PKNOX2: variants seen among roughly 807,000 people sequenced by gnomAD.
The protein encoded by PKNOX2 is homeobox protein PKNOX2.
Under a neutral mutation model 53.1 loss-of-function variants are expected in PKNOX2, and 14 were observed. That is an observed-to-expected ratio of 0.26 (90% CI 0.17 to 0.41). The LOEUF (loss-of-function observed/expected upper bound fraction) is 0.41. PKNOX2 is among the 10% of genes least tolerant of loss of function. The pLI is 1.00. For missense variants in PKNOX2, 496 were observed against 602.8 expected, an observed-to-expected ratio of 0.82 and a Z score of 1.85; for synonymous variants, 257 against 242.8, an observed-to-expected ratio of 1.06 and a Z score of -0.54.
At chr11:125,321,619 T>A (rs1358597789) in intron 2 of PKNOX2, among the ~76,000 whole-genome samples, 1 of 152,230 alleles carries the variant, frequency 6.6e-6, no homozygotes, top group African/African-American at 2.4e-5. Context: ...GCTGACCATG[T>A]TCAACGCTGT....
chr11:125,368,319 G>A (rs1591544767), intron 5 of PKNOX2, among the ~76,000 whole-genome samples: 1 of 152,260 alleles, frequency 6.6e-6, no homozygotes, highest in South Asian at 2.1e-4. Flanking sequence ...GTGTCCTGTT[G>A]TTGCTTTCCC....
At chr11:125,398,946 C>T (rs957822696) in intron 7 of PKNOX2, among the ~76,000 whole-genome samples, 4 of 152,180 alleles carry the variant, frequency 2.6e-5, no homozygotes, top group East Asian at 1.9e-4. Flanking sequence ...GAGTGAGTGC[C>T]GAGAGGTGCT....
At chr11:125,265,827 G>A (rs550238285) in intron 2 of PKNOX2, among the ~76,000 whole-genome samples, 3 of 152,128 alleles carry the variant, frequency 2.0e-5, no homozygotes. Flanking sequence ...GATCCTGAAG[G>A]GGGGAGCTTA....
At chr11:125,278,610 C>G (rs1306420069) in intron 2 of PKNOX2, among the ~76,000 whole-genome samples, 3 of 151,750 alleles carry the variant, frequency 2.0e-5, no homozygotes, top group Admixed American at 2.0e-4. Context: ...AGATGTGGTG[C>G]CTTCAGTTGA....
intron 4 of PKNOX2, among the ~76,000 whole-genome samples, chr11:125,358,798 C>T (rs1483822385): frequency 6.6e-6 from 1 of 152,208 alleles, no homozygotes. Flanking sequence ...TAACACATCA[C>T]TCAGTCATTG....
intron 1 of PKNOX2, among the ~76,000 whole-genome samples, chr11:125,225,948 G>A (rs953681121): frequency 3.3e-5 from 5 of 152,118 alleles, no homozygotes; most frequent in African/African-American, 1.2e-4. Flanking sequence ...GAAAAGCCCA[G>A]GGATCAACCT....
rs1197810981 is a variant in PKNOX2 at position 125,316,052 on chromosome 11, A to G, written c.-129-15767A>G. Among the ~76,000 whole-genome samples the G allele has an allele frequency of 4.6e-5, 7 of 152,314 alleles. No homozygotes were observed. In the East Asian group the frequency reaches 9.6e-4, roughly 21 times the overall value. On this transcript the variant is annotated intron_variant, in intron 2 of 12. Transcript: ENST00000298282. ...CGTAAGAGGACACCATGACAACAGC[A>G]AGGGAAGGATGGAGGACGGACCCAG...
At chr11:125,219,296 G>T (rs1940882325) in intron 1 of PKNOX2, among the ~76,000 whole-genome samples, 2 of 152,066 alleles carry the variant, frequency 1.3e-5, no homozygotes, top group Non-Finnish European at 1.5e-5. Context: ...AAATTAGCTG[G>T]AGGTGGTGGC....
chr11:125,167,157 G>T (rs1954940611), intron 1 of PKNOX2, among the ~76,000 whole-genome samples: 2 of 129,604 alleles, frequency 1.5e-5, no homozygotes, highest in Non-Finnish European at 1.6e-5. Context: ...AGGGAGGTAG[G>T]TTATTCTCTG....
chr11:125,360,169 A>G (rs1167768108), intron 4 of PKNOX2, among the ~76,000 whole-genome samples: 1 of 150,644 alleles, frequency 6.6e-6, no homozygotes, highest in African/African-American at 2.4e-5. Context: ...AAGAAAAAGG[A>G]AAAAAAGGAG....
intron 2 of PKNOX2, among the ~76,000 whole-genome samples, chr11:125,244,070 T>C (rs1223090203): frequency 6.6e-6 from 1 of 152,242 alleles, no homozygotes. Flanking sequence ...GCTTGGTAAC[T>C]GCACAAGATT....
chr11:125,362,066 AG>A (rs1951953866), intron 4 of PKNOX2, among the ~76,000 whole-genome samples: 1 of 152,054 alleles, frequency 6.6e-6, no homozygotes, highest in Admixed American at 6.6e-5. Context: ...GTTGAGGGAG[AG>A]GGACAAACTG....
intron 3 of PKNOX2, among the ~76,000 whole-genome samples, chr11:125,343,813 C>T (rs544584467): frequency 1.3e-5 from 2 of 152,014 alleles, no homozygotes; most frequent in East Asian, 1.9e-4. Flanking sequence ...GGGTGTTGCT[C>T]GTCTGACTCT....
intron 6 of PKNOX2, among the ~76,000 whole-genome samples, chr11:125,392,309 A>T (rs1211566383): frequency 1.3e-5 from 2 of 152,256 alleles, no homozygotes; most frequent in East Asian, 1.9e-4. Flanking sequence ...GCACCCAATT[A>T]ACAGAGAGCG....
intron 4 of PKNOX2, among the ~76,000 whole-genome samples, chr11:125,358,299 C>T (rs1474819621): frequency 6.6e-6 from 1 of 152,206 alleles, no homozygotes; most frequent in Admixed American, 6.5e-5. Flanking sequence ...CTGGTGTGCC[C>T]TCTGAAGGAC....
At chr11:125,372,339 C>T (rs1321259802) in intron 5 of PKNOX2, among the ~76,000 whole-genome samples, 2 of 152,010 alleles carry the variant, frequency 1.3e-5, no homozygotes, top group Admixed American at 6.5e-5. Context: ...CAAACCCCAC[C>T]TAGGGAGCCA....
chr11:125,210,388 C>T (rs1258022812), intron 1 of PKNOX2, among the ~76,000 whole-genome samples: 1 of 152,134 alleles, frequency 6.6e-6, no homozygotes, highest in African/African-American at 2.4e-5. Flanking sequence ...GAGTCCAAAG[C>T]CTGCATTCAG....
At chr11:125,280,277 G>A (rs1946466660) in intron 2 of PKNOX2, among the ~76,000 whole-genome samples, 1 of 152,128 alleles carries the variant, frequency 6.6e-6, no homozygotes, top group African/African-American at 2.4e-5. Flanking sequence ...CCTCGTGACA[G>A]CGTGAACCTG....
intron 1 of PKNOX2, among the ~76,000 whole-genome samples, chr11:125,228,356 G>C (rs1023392845): frequency 6.6e-6 from 1 of 152,334 alleles, no homozygotes; most frequent in Non-Finnish European, 1.5e-5. Flanking sequence ...TGCAGCTATA[G>C]AGGATGAAAA....
Sources: gnomAD v4.1 joint callset for allele counts (sites outside exome capture counted in the v4.1 genomes callset) on GRCh38, gnomAD v4.1.1 for gene constraint, MANE v1.5 for transcripts, NCBI Gene and HGNC (gene_info 2026-07-23, HGNC 2026-07-21) for gene names.